Variants in SPINT2 observed in about 807,000 individuals in gnomAD.
SPINT2 encodes serine peptidase inhibitor, Kunitz type 2.
In SPINT2, 18 loss-of-function variants were observed where a neutral mutation model predicts 30.1. That is an observed-to-expected ratio of 0.60 (90% CI 0.41 to 0.89). The LOEUF is 0.89. SPINT2 is among the 40% of genes least tolerant of loss of function. The pLI is 0.00. For missense variants in SPINT2, 276 were observed against 334.3 expected, an observed-to-expected ratio of 0.83 and a Z score of 1.36; for synonymous variants, 139 against 137.9, an observed-to-expected ratio of 1.01 and a Z score of -0.05.
At chr19:38,286,871 G>A (rs1968648398) in intron 2 of SPINT2, among the ~76,000 whole-genome samples, 1 of 152,260 alleles carries the variant, frequency 6.6e-6, no homozygotes, top group Middle Eastern at 3.4e-3. Flanking sequence ...GTCTTTTTAT[G>A]TTGCCCAAGC....
At chr19:38,283,577 G>A in intron 1 of SPINT2, 50 bp from the exon 2 acceptor site, 1 of 1,611,272 alleles carries the variant, frequency 6.2e-7, no homozygotes, top group South Asian at 1.1e-5. Context: ...CGTGTCCTTT[G>A]TTGCCAGGAT....
chr19:38,292,013 T>G lies in SPINT2; in HGVS notation c.*7T>G. Reference sequence around the variant, plus strand: ...GAACACATATGTCCTGTGACCGCCCTGTCGCCAAGAGGACTGGGGAAGGGA... The same window carrying G: ...GAACACATATGTCCTGTGACCGCCCGGTCGCCAAGAGGACTGGGGAAGGGA... On this transcript the variant is annotated 3_prime_UTR_variant, in exon 7 of 7. Transcript: ENST00000301244. 1.9e-6 allele frequency: 3 copies of G among 1,613,894 alleles called. No individual in the cohort carries two copies. Among genetic ancestry groups the G allele is most frequent in the Non-Finnish European group, 2.5e-6 (3 of 1,179,958 alleles).
chr19:38,265,192 G>C (rs1359073121), intron 1 of SPINT2, 194 bp downstream of exon 1: 1 of 554,566 alleles, frequency 1.8e-6, no homozygotes, highest in East Asian at 3.2e-5. Context: ...AGCGAAGACG[G>C]GCGGAGGAGC....
chr19:38,266,202 CG>C (rs1207846260), intron 1 of SPINT2, among the ~76,000 whole-genome samples: 1 of 151,870 alleles, frequency 6.6e-6, no homozygotes, highest in African/African-American at 2.4e-5. Context: ...CTGGAGCAGG[CG>C]TGAAGGAGGG....
chr19:38,272,876 C>T (rs1458781206), intron 1 of SPINT2, among the ~76,000 whole-genome samples: 1 of 152,058 alleles, frequency 6.6e-6, no homozygotes, highest in African/African-American at 2.4e-5. Context: ...TGCACCACCA[C>T]GCCCGGCTCA....
chr19:38,287,935 G>A lies in SPINT2; in HGVS notation c.337G>A (p.Ala113Thr), dbSNP rs1968662462. 6.2e-7 allele frequency: 1 copy of A among 1,614,128 alleles called. No individual in the cohort carries two copies. Among genetic ancestry groups the A allele is most frequent in the Non-Finnish European group, 8.5e-7 (1 of 1,179,992 alleles). The change falls in exon 3 of 7, where the codon GCT becomes ACT. Residue 113 changes from alanine to threonine, a missense_variant and splice_region_variant. Coordinates refer to ENST00000301244, the MANE Select transcript of SPINT2 (RefSeq NM_021102.4). ...TGCAGCGGATTCCTCTGTCCCAAGT[G>A]GTAGGTTCTTAAAGAGACCCGCGAT... ...RNAADSSVPS[A>T]PRRQDSEDHS...
Position 38,290,719 on chromosome 19 carries a change from C to A in SPINT2, c.592+144C>A. On this transcript the variant is annotated intron_variant, in intron 6 of 6. Transcript: ENST00000301244. The surrounding 1 kb of genome is among the most constrained non-coding windows in gnomAD (Gnocchi z 4.3). ...AAGTCATGTTTCTGCGTGAGAATGG[C>A]GAGGTGGTGGTTTGTCCCACCGTTC... is the stretch of plus-strand genomic sequence containing the variant. 2 of 1,180,824 alleles carry A rather than the reference C, an allele frequency of 1.7e-6. No individual in the cohort carries two copies. The highest frequency in any genetic ancestry group is 2.4e-6 in the Non-Finnish European group (2 of 823,620). 73.1% of individuals were successfully genotyped at this position (1,180,824 alleles called of 1,614,324 possible).
chr19:38,267,238 T>G lies in SPINT2; in HGVS notation c.106+2240T>G, dbSNP rs538306927. Among the ~76,000 whole-genome samples the G allele has an allele frequency of 1.8e-3, 271 of 152,372 alleles. 1 individual carries two copies. The highest frequency in any genetic ancestry group is 6.1e-3 in the African/African-American group (252 of 41,580). On this transcript the variant is annotated intron_variant, in intron 1 of 6. Transcript: ENST00000301244. ...TCGTAAGTTCTGTTTGTTTGAAAGC[T>G]TGAACAGCTTAATCGGAGGCAGAAG...
chr19:38,267,101 CTGCAGAGGCCTTCTCTG>C (rs1206661269), intron 1 of SPINT2, among the ~76,000 whole-genome samples: 2 of 152,216 alleles, frequency 1.3e-5, no homozygotes, highest in African/African-American at 4.8e-5. Context: ...CCAGGTCTCA[CTGCAGAGGCCTTCTCTG>C]TTCAGAGTGG....
At chr19:38,265,750 G>C (rs75025325) in intron 1 of SPINT2, 4,169 of 152,498 alleles carry the variant, frequency 0.027, 76 homozygotes, top group South Asian at 0.058. Flanking sequence ...AGCGTGTTTT[G>C]AAAAGAGCTC....
At chr19:38,265,058 CG>C (rs1427441152) in intron 1 of SPINT2, 60 bp downstream of exon 1, 8 of 1,005,450 alleles carry the variant, frequency 8.0e-6, no homozygotes, top group East Asian at 6.8e-5. Context: ...CGGGGGTCAA[CG>C]GGGGTCTGAG....
chr19:38,271,242 A>G (rs1968451689), intron 1 of SPINT2, among the ~76,000 whole-genome samples: 1 of 152,188 alleles, frequency 6.6e-6, no homozygotes, highest in Non-Finnish European at 1.5e-5. Context: ...CTGTAACCCC[A>G]GCACTTTGGG....
rs1968703208 is a variant in SPINT2 at position 38,290,435 on chromosome 19, CAGAA to C, written c.554-98_554-95del. ...CCAGAAAAGCTGGAAGAAAGCCCCTCAGAAAGAGCTCCCCATGGAGGCCCTGGCT... is the reference window on the plus strand; with the variant it reads ...CCAGAAAAGCTGGAAGAAAGCCCCTCAGAGCTCCCCATGGAGGCCCTGGCT... On this transcript the variant is annotated intron_variant, in intron 5 of 6. Transcript: ENST00000301244. This position sits in a 1 kb window ranked among gnomAD's most constrained non-coding sequence, Gnocchi z 4.3. 3 of 1,604,958 alleles carry C rather than the reference CAGAA, an allele frequency of 1.9e-6. No homozygotes were observed. Among genetic ancestry groups the C allele is most frequent in the Non-Finnish European group, 2.6e-6 (3 of 1,174,896 alleles).
At chr19:38,269,828 C>T (rs1166472837) in intron 1 of SPINT2, among the ~76,000 whole-genome samples, 2 of 152,172 alleles carry the variant, frequency 1.3e-5, no homozygotes, top group African/African-American at 2.4e-5. Context: ...CCAGGATGGT[C>T]TTGATCTCCT....
chr19:38,274,763 C>T (rs564530852), intron 1 of SPINT2, among the ~76,000 whole-genome samples: 1 of 151,128 alleles, frequency 6.6e-6, no homozygotes, highest in African/African-American at 2.4e-5. Context: ...TGCAGTGAGC[C>T]TAGATCGCAC....
chr19:38,290,659 A>T lies in SPINT2; in HGVS notation c.592+84A>T, dbSNP rs1484946083. ...GCTCAGCCCTGCCCAGCTGTGGTTT[A>T]CATTATCCTTCACTGTGAACATCAT... On this transcript the variant is annotated intron_variant, in intron 6 of 6. Transcript: ENST00000301244. The surrounding 1 kb of genome is among the most constrained non-coding windows in gnomAD (Gnocchi z 4.3). The T allele has an allele frequency of 2.6e-6, 4 of 1,513,256 alleles. No homozygotes were observed. The African/African-American group carries it at 5.5e-5, about 21-fold the overall frequency. 93.7% of individuals were successfully genotyped at this position (1,513,256 alleles called of 1,614,324 possible).
intron 2 of SPINT2, among the ~76,000 whole-genome samples, chr19:38,287,143 C>T (rs1968651813): frequency 6.6e-6 from 1 of 152,204 alleles, no homozygotes; most frequent in Non-Finnish European, 1.5e-5. Context: ...CCTGCCTCAG[C>T]CACCCGAGTA....
At chr19:38,291,424 C>T (rs771666063) in intron 6 of SPINT2, 36 of 175,488 alleles carry the variant, frequency 2.1e-4, no homozygotes, top group Non-Finnish European at 3.9e-4. Context: ...ACGTCTTTCT[C>T]TATTGCCGGT....
intron 1 of SPINT2, among the ~76,000 whole-genome samples, chr19:38,271,004 G>T (rs555698570): frequency 6.6e-6 from 1 of 152,120 alleles, no homozygotes. Context: ...TCATTTCATG[G>T]TTTTTTTCTG....
Sources: allele counts gnomAD v4.1 joint callset (sites outside exome capture counted in the v4.1 genomes callset), GRCh38; gene constraint gnomAD v4.1.1; non-coding constraint Gnocchi (gnomAD v3.1); transcripts MANE v1.5; gene names NCBI Gene and HGNC (gene_info 2026-07-23, HGNC 2026-07-21).